DNMBP: variants seen among roughly 807,000 people sequenced by gnomAD.
DNMBP encodes dynamin binding protein, also known as dynamin-binding protein.
A neutral mutation model predicts 150.0 loss-of-function variants in DNMBP; 87 were observed. That is an observed-to-expected ratio of 0.58 (90% CI 0.49 to 0.69). The LOEUF (loss-of-function observed/expected upper bound fraction) is 0.69, where lower values mean the gene tolerates loss of function less well. Ranked by LOEUF, DNMBP falls within the 30% of genes least tolerant of loss-of-function variation. DNMBP has a pLI of 0.00. For missense variants in DNMBP, 1,774 were observed against 1,949.0 expected, an observed-to-expected ratio of 0.91 and a Z score of 1.69; for synonymous variants, 711 against 750.4, an observed-to-expected ratio of 0.95 and a Z score of 0.86.
At chr10:99,962,501 G>A (rs571102442) in intron 3 of DNMBP, among the ~76,000 whole-genome samples, 2 of 152,296 alleles carry the variant, frequency 1.3e-5, no homozygotes, top group East Asian at 1.9e-4. Flanking sequence ...TGTGGTGGCG[G>A]GCGCCTGTAG....
chr10:99,959,942 T>G (rs1441091508), intron 3 of DNMBP, among the ~76,000 whole-genome samples: 2 of 152,152 alleles, frequency 1.3e-5, no homozygotes, highest in Non-Finnish European at 2.9e-5. Flanking sequence ...TTCAATCATG[T>G]TCTCCAGAGG....
Position 99,900,634 on chromosome 10 carries a change from T to A in DNMBP, c.2555-568A>T, listed in dbSNP as rs561311432. Reference sequence around the variant, plus strand: ...AACCCCATAAGGAGGACCCCCTCAGTTTCTTATTTTTTTTTCCTGAGACGG... The same window carrying A: ...AACCCCATAAGGAGGACCCCCTCAGATTCTTATTTTTTTTTCCTGAGACGG... On this transcript the variant is annotated intron_variant, in intron 6 of 16. Transcript: ENST00000324109. Among the ~76,000 whole-genome samples the A allele has an allele frequency of 3.1e-4, 46 of 150,054 alleles. 1 individual carries two copies. In the South Asian group the frequency reaches 8.1e-3, roughly 26 times the overall value.
chr10:99,987,268 C>T (rs1453366314), intron 1 of DNMBP, among the ~76,000 whole-genome samples: 2 of 151,804 alleles, frequency 1.3e-5, no homozygotes, highest in East Asian at 1.9e-4. Flanking sequence ...TCTGGGAGGC[C>T]GAGGCTAGGA....
intron 1 of DNMBP, among the ~76,000 whole-genome samples, chr10:99,986,562 T>C: frequency 8.0e-6 from 1 of 124,428 alleles, no homozygotes. Flanking sequence ...GCCACTGTAC[T>C]CCAGCCTGGG....
chr10:99,997,568 C>A (rs566927046), intron 1 of DNMBP, among the ~76,000 whole-genome samples: 2 of 152,150 alleles, frequency 1.3e-5, no homozygotes, highest in South Asian at 2.1e-4. Flanking sequence ...ATATCAGACA[C>A]CCTTAAAAAA....
chr10:99,920,996 A>G (rs74155734), intron 4 of DNMBP, among the ~76,000 whole-genome samples: 4,126 of 152,128 alleles, frequency 0.027, 196 homozygotes, highest in African/African-American at 0.093. Flanking sequence ...CCACTCTTTT[A>G]CTTCATTTAC....
At chr10:99,948,811 A>C (rs1176914226) in intron 4 of DNMBP, among the ~76,000 whole-genome samples, 3 of 151,850 alleles carry the variant, frequency 2.0e-5, no homozygotes, top group Non-Finnish European at 4.4e-5. Flanking sequence ...AAAAATACAA[A>C]AATTAGCCAG....
rs1564712263 is a variant in DNMBP at position 99,880,025 on chromosome 10, C to CA, written c.4333_4334insT (p.Arg1445MetfsTer10). On this transcript the variant is annotated frameshift_variant, in exon 16 of 17. Coordinates refer to ENST00000324109, the MANE Select transcript of DNMBP (RefSeq NM_015221.4). LOFTEE classifies it high-confidence loss of function. ...AGCTACATCTGCAGAGTCCCCTGAC[C>CA]TTGGCTGGGAGGTGGAGTCTGGGTC... The CA allele has an allele frequency of 6.2e-7, 1 of 1,614,172 alleles. No homozygotes were observed. The highest frequency in any genetic ancestry group is 1.1e-5 in the South Asian group (1 of 91,078).
intron 10 of DNMBP, 63 bp from the exon 11 acceptor site, chr10:99,895,113 A>C: frequency 1.1e-6 from 1 of 910,848 alleles, no homozygotes; most frequent in Non-Finnish European, 1.6e-6. Context: ...TACTGGCAAA[A>C]GTAGCTTGCT....
chr10:99,957,023 G>C lies in DNMBP; in HGVS notation c.451C>G (p.Arg151Gly). The change falls in exon 4 of 17, where the codon CGG becomes GGG. Residue 151 changes from arginine to glycine, a missense_variant. Coordinates refer to ENST00000324109, the MANE Select transcript of DNMBP (RefSeq NM_015221.4). ...TGAGCAGAAAGCCCCATTAGGGCCC[G>C]GGCTTGTCCCATGGAATATTCCGGA... Reference protein sequence around the residue: ...QIPEYSMGQARALMGLSAQLD... With the variant: ...QIPEYSMGQAGALMGLSAQLD... 6.2e-7 allele frequency: 1 copy of C among 1,614,146 alleles called. No homozygotes were observed. Among genetic ancestry groups the C allele is most frequent in the Non-Finnish European group, 8.5e-7 (1 of 1,180,018 alleles).
At chr10:99,996,260 C>T (rs1435356677) in intron 1 of DNMBP, among the ~76,000 whole-genome samples, 2 of 152,174 alleles carry the variant, frequency 1.3e-5, no homozygotes, top group African/African-American at 4.8e-5. Context: ...GTGGTTCACA[C>T]CTGTAATCTC....
rs2039716688 is a variant in DNMBP, at chr10:99,900,071, G to A, written c.2555-5C>T. Reference sequence around the variant, plus strand: ...GGTGACCAAGAAACACAGGTCCTTTGGAATACACACAAACATACAGTGTTT... The same window carrying A: ...GGTGACCAAGAAACACAGGTCCTTTAGAATACACACAAACATACAGTGTTT... On this transcript the variant is annotated splice_region_variant and splice_polypyrimidine_tract_variant and intron_variant, in intron 6 of 16. Transcript: ENST00000324109. The A allele has an allele frequency of 6.2e-7, 1 of 1,613,924 alleles. No homozygotes were observed. The highest frequency in any genetic ancestry group is 8.5e-7 in the Non-Finnish European group (1 of 1,179,988).
Position 99,957,217 on chromosome 10 carries a change from A to G in DNMBP, c.269-12T>C. 6.3e-7 allele frequency: 1 copy of G among 1,594,808 alleles called. No homozygotes were observed. Among genetic ancestry groups the G allele is most frequent in the Non-Finnish European group, 8.5e-7 (1 of 1,176,262 alleles). ...AATCACCAGGTCACCTAAAGAAAAG[A>G]GGAGCAGAGATGGTGACCTCAGTCA... On this transcript the variant is annotated splice_polypyrimidine_tract_variant and intron_variant, in intron 3 of 16. Transcript: ENST00000324109.
At chr10:99,882,914 A>C (rs539638645) in intron 15 of DNMBP, among the ~76,000 whole-genome samples, 9 of 150,172 alleles carry the variant, frequency 6.0e-5, no homozygotes, top group African/African-American at 2.2e-4. Flanking sequence ...AAAAATACAA[A>C]CAGTTAGCCA....
intron 4 of DNMBP, among the ~76,000 whole-genome samples, chr10:99,939,334 T>A (rs1216702044): frequency 6.6e-6 from 1 of 152,240 alleles, no homozygotes; most frequent in Non-Finnish European, 1.5e-5. Flanking sequence ...TATACTTGCT[T>A]ACCTCCTTTT....
At chr10:100,003,301 C>T (rs532500711) in intron 1 of DNMBP, among the ~76,000 whole-genome samples, 1 of 152,068 alleles carries the variant, frequency 6.6e-6, no homozygotes, top group Non-Finnish European at 1.5e-5. Context: ...GAGCAGAGAT[C>T]GAGCCACTGC....
intron 3 of DNMBP, among the ~76,000 whole-genome samples, chr10:99,959,175 A>G (rs918828998): frequency 6.6e-6 from 1 of 152,230 alleles, no homozygotes; most frequent in Non-Finnish European, 1.5e-5. Flanking sequence ...TTGGAAAGCT[A>G]TACTTATTTT....
At chr10:99,964,120 T>C (rs377335832) in intron 3 of DNMBP, among the ~76,000 whole-genome samples, 7 of 151,512 alleles carry the variant, frequency 4.6e-5, no homozygotes, top group South Asian at 4.2e-4. Context: ...GTCTTTTCCT[T>C]GTCCTATTCT....
At chr10:99,941,632 C>A (rs2040302299) in intron 4 of DNMBP, among the ~76,000 whole-genome samples, 2 of 152,114 alleles carry the variant, frequency 1.3e-5, no homozygotes, top group Non-Finnish European at 2.9e-5. Flanking sequence ...CCATGCCCGG[C>A]TAATTTTGTA....
Sources: allele counts gnomAD v4.1 joint callset (sites outside exome capture counted in the v4.1 genomes callset), GRCh38; gene constraint gnomAD v4.1.1; transcripts MANE v1.5; gene names NCBI Gene and HGNC (gene_info 2026-07-23, HGNC 2026-07-21).